LOXL2: variants seen among roughly 807,000 people sequenced by gnomAD.
LOXL2 encodes lysyl oxidase homolog 2.
A neutral mutation model predicts 93.0 loss-of-function variants in LOXL2; 70 were observed. That is an observed-to-expected ratio of 0.75 (90% CI 0.62 to 0.92). The LOEUF (loss-of-function observed/expected upper bound fraction) is 0.92. Ranked by LOEUF, LOXL2 falls within the 40% of genes least tolerant of loss-of-function variation. The probability of loss-of-function intolerance (pLI) is 0.00; values close to 1 mark genes in which losing one functional copy is unlikely to be tolerated. For missense variants in LOXL2, 973 were observed against 1,054.9 expected (o/e 0.92, Z 1.08); for synonymous variants, 438 against 413.2 (o/e 1.06, Z -0.73).
intron 6 of LOXL2, among the ~76,000 whole-genome samples, 163 bp from the exon 7 acceptor site, chr8:23,322,444 G>C (rs1363600917): frequency 6.6e-6 from 1 of 152,168 alleles, no homozygotes; most frequent in Non-Finnish European, 1.5e-5. Context: ...TCCCCAGAGA[G>C]AACAGTGCTA....
intron 1 of LOXL2, among the ~76,000 whole-genome samples, chr8:23,388,620 TACTCACACACACAC>T (rs1469881251): frequency 2.8e-5 from 2 of 70,688 alleles, no homozygotes; most frequent in South Asian, 5.4e-4. Context: ...GCAAAAAATA[TACTCACACACACAC>T]ACACACACAC....
intron 1 of LOXL2, among the ~76,000 whole-genome samples, chr8:23,392,434 G>A (rs7824768): frequency 0.19 from 29,417 of 152,120 alleles, 3,033 homozygotes; most frequent in East Asian, 0.26. Context: ...GGCATATAGA[G>A]AGAGACCTGC....
At chr8:23,386,660 C>T (rs1286542720) in intron 1 of LOXL2, among the ~76,000 whole-genome samples, 4 of 151,344 alleles carry the variant, frequency 2.6e-5, no homozygotes, top group Non-Finnish European at 5.9e-5. Flanking sequence ...CAGCATTCAC[C>T]TTGGAAGACC....
Position 23,356,757 on chromosome 8 carries a change from G to C in LOXL2, c.531+3333C>G, listed in dbSNP as rs1389219611. 2.6e-5 allele frequency among the ~76,000 whole-genome samples: 4 copies of C among 152,216 alleles called. No individual in the cohort carries two copies. In the South Asian group the frequency reaches 8.3e-4, roughly 32 times the overall value. On this transcript the variant is annotated intron_variant, in intron 3 of 13. Transcript: ENST00000389131. ...GAGGCCTTCTAGGAAAATGCAGAGTGTGTAAGGCTGTGGATGTCACCTGGC... is the reference window on the plus strand; with the variant it reads ...GAGGCCTTCTAGGAAAATGCAGAGTCTGTAAGGCTGTGGATGTCACCTGGC...
Position 23,315,578 on chromosome 8 carries a change from C to G in LOXL2, c.1636+1371G>C, listed in dbSNP as rs180682849. ...CTCAGAGAGAAATTCCCTTTAATCTCTAGAGTGGTGGGCTTCTCTTGACTC... is the reference window on the plus strand; with the variant it reads ...CTCAGAGAGAAATTCCCTTTAATCTGTAGAGTGGTGGGCTTCTCTTGACTC... On this transcript the variant is annotated intron_variant, in intron 9 of 13. Coordinates refer to ENST00000389131, the MANE Select transcript of LOXL2 (RefSeq NM_002318.3). 6.6e-4 allele frequency among the ~76,000 whole-genome samples: 100 copies of G among 152,308 alleles called. 1 individual carries two copies. Among genetic ancestry groups the G allele is most frequent in the Non-Finnish European group, 4.4e-5 (3 of 68,032 alleles).
intron 10 of LOXL2, 137 bp downstream of exon 10, chr8:23,309,531 C>T (rs1016500757): frequency 1.9e-6 from 2 of 1,057,192 alleles, no homozygotes; most frequent in African/African-American, 3.3e-5. Flanking sequence ...GATGCAAGCC[C>T]CCCACTTAGG....
intron 5 of LOXL2, 135 bp downstream of exon 5, chr8:23,333,266 A>T: frequency 1.3e-6 from 1 of 774,084 alleles, no homozygotes; most frequent in Non-Finnish European, 2.1e-6. Context: ...CTCAGGTCTC[A>T]GAGTAAAGCA....
At chr8:23,340,166 T>C (rs1352889901) in intron 4 of LOXL2, among the ~76,000 whole-genome samples, 2 of 152,216 alleles carry the variant, frequency 1.3e-5, no homozygotes, top group Non-Finnish European at 2.9e-5. Context: ...TTCTATCACC[T>C]TTCTCCAGTT....
intron 3 of LOXL2, among the ~76,000 whole-genome samples, chr8:23,346,479 G>A (rs1356178307): frequency 6.6e-6 from 1 of 152,152 alleles, no homozygotes; most frequent in Non-Finnish European, 1.5e-5. Context: ...ACCATGCAAG[G>A]GACTTGTCAC....
At chr8:23,367,914 T>A in intron 2 of LOXL2, 83 bp downstream of exon 2, 2 of 1,122,592 alleles carry the variant, frequency 1.8e-6, no homozygotes, top group Non-Finnish European at 2.6e-6. Flanking sequence ...GCGTGCAGCC[T>A]CCTCTCCCAG....
At position 23,302,167 on chromosome 8, in the gene LOXL2, C is replaced by T. The variant is rs182391804; in HGVS notation, c.1997-4G>A. ...CACTCGTAATTCTTCTGGATGTCTG[C>T]GGGCAGGGTAGAGGAGAGCTCATCA... On this transcript the variant is annotated splice_region_variant and splice_polypyrimidine_tract_variant and intron_variant, in intron 11 of 13. Transcript: ENST00000389131. The T allele has an allele frequency of 3.0e-4, 485 of 1,614,094 alleles. No homozygotes were observed. Among genetic ancestry groups the T allele is most frequent in the African/African-American group, 9.5e-4 (71 of 75,036 alleles).
intron 10 of LOXL2, among the ~76,000 whole-genome samples, chr8:23,305,285 AC>A (rs1399464706): frequency 3.3e-5 from 5 of 152,136 alleles, no homozygotes; most frequent in Admixed American, 3.3e-4. Context: ...TGTAAGGATG[AC>A]CCCGTCCCAC....
At chr8:23,384,410 G>A (rs1804726259) in intron 1 of LOXL2, among the ~76,000 whole-genome samples, 1 of 152,184 alleles carries the variant, frequency 6.6e-6, no homozygotes, top group African/African-American at 2.4e-5. Flanking sequence ...CTGACACAGA[G>A]GGGAGAACAG....
intron 1 of LOXL2, among the ~76,000 whole-genome samples, chr8:23,376,514 G>A (rs1275738209): frequency 1.3e-5 from 2 of 152,292 alleles, no homozygotes; most frequent in Non-Finnish European, 2.9e-5. Flanking sequence ...AGAAGGAATG[G>A]TACCAGCTCC....
In LOXL2 at chr8:23,339,905, G is replaced by A. The variant is rs564013105; in HGVS notation, c.743+1087C>T. Among the ~76,000 whole-genome samples the A allele has an allele frequency of 2.1e-4, 32 of 152,258 alleles. No individual in the cohort carries two copies. The Middle Eastern group carries it at 0.017, about 81-fold the overall frequency. ...CTGGGACAAAATTATGGCCCACCCC[G>A]TCCAGGCAGGGCTGGGCCAGGATCA... is the stretch of plus-strand genomic sequence containing the variant. On this transcript the variant is annotated intron_variant, in intron 4 of 13. Transcript: ENST00000389131.
At chr8:23,341,253 G>T in intron 3 of LOXL2, 50 bp from the exon 4 acceptor site, 1 of 1,438,464 alleles carries the variant, frequency 7.0e-7, no homozygotes, top group Non-Finnish European at 9.8e-7. Flanking sequence ...TGGCCTGGCT[G>T]CAGAGACACC....
chr8:23,316,833 T>C, intron 9 of LOXL2, 116 bp downstream of exon 9: 1 of 1,079,168 alleles, frequency 9.3e-7, no homozygotes, highest in Non-Finnish European at 1.3e-6. Context: ...TAGGATTTCA[T>C]TCTACCTTCC....
At chr8:23,344,411 CTG>C in intron 3 of LOXL2, among the ~76,000 whole-genome samples, 1 of 151,358 alleles carries the variant, frequency 6.6e-6, no homozygotes, top group African/African-American at 2.4e-5. Flanking sequence ...ATCTCTGTGT[CTG>C]TGTGTGTGCA....
At chr8:23,332,523 CACACCCCCACTCAT>C (rs1171392678) in intron 5 of LOXL2, among the ~76,000 whole-genome samples, 1 of 95,158 alleles carries the variant, frequency 1.1e-5, no homozygotes, top group Admixed American at 1.1e-4. Context: ...CATCCCTACA[CACACCCCCACTCAT>C]ACACCCCCAC....
Sources: allele counts gnomAD v4.1 joint callset (sites outside exome capture counted in the v4.1 genomes callset), GRCh38; gene constraint gnomAD v4.1.1; transcripts MANE v1.5; gene names NCBI Gene and HGNC (gene_info 2026-07-23, HGNC 2026-07-21).